The following GABRA3 variants were observed in gnomAD, a reference collection of about 807,000 sequenced individuals.
The protein encoded by GABRA3 is gamma-aminobutyric acid receptor subunit alpha-3.
Under a neutral mutation model 30.1 loss-of-function variants are expected in GABRA3, and 10 were observed. The ratio of observed to expected loss-of-function variants is 0.33; its 90% CI spans 0.20 to 0.56. The LOEUF is 0.56. GABRA3 is among the 20% of genes least tolerant of loss of function. The pLI is 0.89. For missense variants in GABRA3, 233 were observed against 392.0 expected, an observed-to-expected ratio of 0.59 and a Z score of 3.42; for synonymous variants, 151 against 146.8, an observed-to-expected ratio of 1.03 and a Z score of -0.21.
At chrX:152,370,400 GTCACCAGAGTTTCATTTAAGGTCA>G (rs1380955235) in intron 1 of GABRA3, among the ~76,000 whole-genome samples, 10 of 111,668 alleles carry the variant, frequency 9.0e-5, no homozygotes, top group Admixed American at 4.7e-4. Context: ...GTCACAACTT[GTCACCAGAGTTTCATTTAAGGTCA>G]TCTAATTCCA....
intron 3 of GABRA3, among the ~76,000 whole-genome samples, chrX:152,303,975 AAT>A (rs1477901566): frequency 1.1e-3 from 123 of 111,997 alleles, no homozygotes; most frequent in African/African-American, 3.9e-3. Flanking sequence ...CTTAAAGTAA[AAT>A]ATATATTAAA....
chrX:152,317,041 T>C (rs1939888216), intron 3 of GABRA3, among the ~76,000 whole-genome samples: 1 of 112,008 alleles, frequency 8.9e-6, no homozygotes, highest in South Asian at 3.7e-4. Flanking sequence ...ATGGCCTGCA[T>C]GCTCCACTTA....
intron 1 of GABRA3, among the ~76,000 whole-genome samples, chrX:152,375,988 A>G (rs1042343499): frequency 8.9e-6 from 1 of 111,772 alleles, no homozygotes; most frequent in Non-Finnish European, 1.9e-5. Flanking sequence ...GACTCCATTG[A>G]GCCTTCCCGC....
chrX:152,402,363 G>A (rs1189680453), intron 1 of GABRA3, among the ~76,000 whole-genome samples: 3 of 111,887 alleles, frequency 2.7e-5, no homozygotes, highest in African/African-American at 9.7e-5. Context: ...AGCATACAGC[G>A]AAAACAAGAT....
At chrX:152,312,003 G>A (rs1419975817) in intron 3 of GABRA3, among the ~76,000 whole-genome samples, 5 of 111,494 alleles carry the variant, frequency 4.5e-5, no homozygotes, top group Admixed American at 2.9e-4. Flanking sequence ...AGCTAACCAC[G>A]GAGGTAAAAG....
intron 3 of GABRA3, among the ~76,000 whole-genome samples, chrX:152,330,658 T>C (rs1603242945): frequency 1.0e-5 from 1 of 97,603 alleles, no homozygotes; most frequent in Admixed American, 1.3e-4. Context: ...ATGAGAACAC[T>C]TGGACACAGC....
At chrX:152,406,959 T>C (rs192204829) in intron 1 of GABRA3, among the ~76,000 whole-genome samples, 1 of 111,970 alleles carries the variant, frequency 8.9e-6, no homozygotes, top group African/African-American at 3.2e-5. Context: ...TTTGGAAGTA[T>C]ACAAACACAT....
At chrX:152,196,408 GAAA>G (rs201138176) in intron 8 of GABRA3, among the ~76,000 whole-genome samples, 2 of 64,065 alleles carry the variant, frequency 3.1e-5, no homozygotes, top group African/African-American at 5.1e-5. Flanking sequence ...CAAAAAAAAA[GAAA>G]AAAAAAAAAA....
chrX:152,257,165 A>G (rs1158792252), intron 4 of GABRA3, among the ~76,000 whole-genome samples: 1 of 112,196 alleles, frequency 8.9e-6, no homozygotes, highest in Non-Finnish European at 1.9e-5. Flanking sequence ...ATTTGCTACG[A>G]TTTAGACTGA....
At chrX:152,290,741 G>A (rs1335666334) in intron 3 of GABRA3, among the ~76,000 whole-genome samples, 1 of 111,980 alleles carries the variant, frequency 8.9e-6, no homozygotes, top group African/African-American at 3.3e-5. Flanking sequence ...TGGCTAGCCA[G>A]TTTTCCCAGC....
chrX:152,178,431 C>A (rs1937102822), intron 9 of GABRA3, among the ~76,000 whole-genome samples: 1 of 111,577 alleles, frequency 9.0e-6, no homozygotes, highest in Admixed American at 9.6e-5. Context: ...TGATTTGTGG[C>A]TACAATTGCA....
At chrX:152,443,009 A>G (rs760287048) in intron 1 of GABRA3, among the ~76,000 whole-genome samples, 13 of 112,161 alleles carry the variant, frequency 1.2e-4, no homozygotes, top group African/African-American at 3.9e-4. Context: ...ATTACATAAA[A>G]TTAAGATTAC....
chrX:152,209,798 T>C (rs1447444052), intron 6 of GABRA3, among the ~76,000 whole-genome samples: 2 of 112,546 alleles, frequency 1.8e-5, no homozygotes, highest in East Asian at 5.6e-4. Flanking sequence ...ACATCAAAAT[T>C]CTCACTGACA....
chrX:152,257,458 C>T (rs1022312717), intron 4 of GABRA3, among the ~76,000 whole-genome samples: 1 of 112,772 alleles, frequency 8.9e-6, no homozygotes, highest in African/African-American at 3.2e-5. Flanking sequence ...TAATGGCTTC[C>T]AATCGTATGT....
intron 7 of GABRA3, among the ~76,000 whole-genome samples, chrX:152,198,659 A>T (rs1937420984): frequency 8.9e-6 from 1 of 111,929 alleles, no homozygotes; most frequent in South Asian, 3.7e-4. Flanking sequence ...TACTTCACAG[A>T]CCATTCCTCC....
At chrX:152,186,921 A>G (rs1415069674) in intron 9 of GABRA3, 1 of 109,778 alleles carries the variant, frequency 9.1e-6, no homozygotes, top group Non-Finnish European at 1.9e-5. Context: ...AGGAGGTATA[A>G]TTTTTTAAAA....
intron 5 of GABRA3, among the ~76,000 whole-genome samples, chrX:152,241,275 C>T: frequency 1.1e-5 from 1 of 92,943 alleles, no homozygotes; most frequent in African/African-American, 3.4e-5. Context: ...TGTCAGTGTG[C>T]CCCTGCTGGG....
chrX:152,386,927 G>C (rs1439290476), intron 1 of GABRA3, among the ~76,000 whole-genome samples: 3 of 106,252 alleles, frequency 2.8e-5, no homozygotes, highest in African/African-American at 1.0e-4. Context: ...ACTGGATTAA[G>C]AAAATGTGGC....
rs1009077246 is a variant in GABRA3, at chrX:152,221,845, A to T, written c.634+2918T>A. On this transcript the variant is annotated intron_variant, in intron 6 of 9. Transcript: ENST00000370314. ...CACCCAGGTATTAAGATTAGTACCC[A>T]TTAGTTATTTTTCCTGATCTTCTGT... 3.6e-5 allele frequency among the ~76,000 whole-genome samples: 4 copies of T among 111,728 alleles called. 1 individual carries two copies. Among genetic ancestry groups the T allele is most frequent in the African/African-American group, 1.3e-4 (4 of 30,725 alleles).
Sources: allele counts gnomAD v4.1 joint callset (sites outside exome capture counted in the v4.1 genomes callset), GRCh38; gene constraint gnomAD v4.1.1; transcripts MANE v1.5; gene names NCBI Gene and HGNC (gene_info 2026-07-23, HGNC 2026-07-21).